Variants in ACYP2 observed in about 807,000 individuals in gnomAD.
ACYP2 encodes acylphosphatase 2.
Under a neutral mutation model 11.2 loss-of-function variants are expected in ACYP2, and 12 were observed. That is an observed-to-expected ratio of 1.08 (90% CI 0.69 to 1.74). The LOEUF (loss-of-function observed/expected upper bound fraction) is 1.74. ACYP2 is among the 40% of genes most tolerant of loss of function. The pLI, the probability that ACYP2 is intolerant of heterozygous loss-of-function variation, is 0.00. For synonymous variants in ACYP2, 43 were observed against 32.2 expected (o/e 1.33, Z -1.13); for missense variants, 134 against 101.9 (o/e 1.31, Z -1.35).
At chr2:54,252,858 C>G (rs979822865) in intron 6 of ACYP2, among the ~76,000 whole-genome samples, 1 of 151,060 alleles carries the variant, frequency 6.6e-6, no homozygotes, top group African/African-American at 2.4e-5. Context: ...GAGCTGAGAT[C>G]GTGCCACTGC....
intron 6 of ACYP2, among the ~76,000 whole-genome samples, chr2:54,176,325 G>A (rs1683457995): frequency 6.6e-6 from 1 of 152,076 alleles, no homozygotes; most frequent in Non-Finnish European, 1.5e-5. Flanking sequence ...GCCAGAATGT[G>A]AAGACAGGAA....
chr2:53,990,578 G>A (rs1344822261), intron 2 of ACYP2, among the ~76,000 whole-genome samples: 2 of 150,162 alleles, frequency 1.3e-5, no homozygotes, highest in Admixed American at 1.3e-4. Flanking sequence ...GAACCCGGGA[G>A]GTGCAGTTTG....
chr2:53,994,048 C>T (rs1457774286), intron 2 of ACYP2, among the ~76,000 whole-genome samples: 3 of 151,462 alleles, frequency 2.0e-5, no homozygotes, highest in Non-Finnish European at 4.4e-5. Context: ...ATTAGCCAGG[C>T]GGCTGGGCGT....
At chr2:53,978,081 A>T (rs1166753657) in intron 2 of ACYP2, among the ~76,000 whole-genome samples, 1 of 151,684 alleles carries the variant, frequency 6.6e-6, no homozygotes, top group African/African-American at 2.4e-5. Context: ...GGCCAACGTG[A>T]AGAAACCCCA....
At chr2:54,220,229 T>G (rs1470486813) in intron 6 of ACYP2, among the ~76,000 whole-genome samples, 1 of 152,172 alleles carries the variant, frequency 6.6e-6, no homozygotes, top group Admixed American at 6.5e-5. Context: ...ACAGCATATT[T>G]TAAATATTGT....
At chr2:54,252,447 G>T (rs1687270783) in intron 6 of ACYP2, among the ~76,000 whole-genome samples, 1 of 152,114 alleles carries the variant, frequency 6.6e-6, no homozygotes, top group Admixed American at 6.5e-5. Flanking sequence ...GGTTCGCACT[G>T]GTGCTGCCAA....
chr2:54,168,666 T>C (rs1229956416), intron 6 of ACYP2, among the ~76,000 whole-genome samples: 1 of 152,066 alleles, frequency 6.6e-6, no homozygotes, highest in Non-Finnish European at 1.5e-5. Context: ...TTAAAATAGA[T>C]ATAGTAATCA....
chr2:54,269,904 C>T (rs1156494631), intron 6 of ACYP2, among the ~76,000 whole-genome samples: 1 of 152,058 alleles, frequency 6.6e-6, no homozygotes, highest in African/African-American at 2.4e-5. Context: ...AATAATAATT[C>T]TAATGACTAT....
At chr2:54,111,513 A>G (rs1380778838) in intron 4 of ACYP2, among the ~76,000 whole-genome samples, 2 of 152,210 alleles carry the variant, frequency 1.3e-5, no homozygotes, top group African/African-American at 2.4e-5. Context: ...CTGGGACAGA[A>G]TCTCCTTCTG....
intron 4 of ACYP2, among the ~76,000 whole-genome samples, chr2:54,096,289 GACGC>G (rs1558525690): frequency 4.9e-5 from 7 of 143,130 alleles, no homozygotes; most frequent in African/African-American, 1.8e-4. Context: ...GCCGGGCAGA[GACGC>G]TCCTCACTTC....
At chr2:54,073,763 A>G (rs1275973806) in intron 4 of ACYP2, among the ~76,000 whole-genome samples, 2 of 152,240 alleles carry the variant, frequency 1.3e-5, no homozygotes, top group Non-Finnish European at 1.5e-5. Flanking sequence ...AATGGCCAAT[A>G]AGCACATGAA....
chr2:53,983,177 G>C (rs904324287), intron 2 of ACYP2, among the ~76,000 whole-genome samples: 1 of 152,110 alleles, frequency 6.6e-6, no homozygotes, highest in Admixed American at 6.6e-5. Flanking sequence ...GATGAATGAA[G>C]ACTTGTGGAG....
intron 6 of ACYP2, among the ~76,000 whole-genome samples, chr2:54,141,638 C>A (rs907960103): frequency 2.0e-5 from 3 of 152,124 alleles, no homozygotes; most frequent in Admixed American, 6.6e-5. Flanking sequence ...CATCAGTATA[C>A]CATATTGATT....
chr2:54,102,818 C>G (rs67951010), intron 4 of ACYP2, among the ~76,000 whole-genome samples: 30,077 of 152,054 alleles, frequency 0.2, 3,987 homozygotes, highest in African/African-American at 0.38. Flanking sequence ...CAGGCTTTCT[C>G]TCTTGCCTGT....
intron 4 of ACYP2, among the ~76,000 whole-genome samples, chr2:54,083,085 GA>G (rs202062980): frequency 0.032 from 4,226 of 132,178 alleles, 184 homozygotes; most frequent in African/African-American, 0.1. Context: ...AAAAAAAAAA[GA>G]AAAAAAAAAT....
At chr2:54,205,448 T>A (rs1338529974) in intron 6 of ACYP2, among the ~76,000 whole-genome samples, 1 of 152,210 alleles carries the variant, frequency 6.6e-6, no homozygotes, top group Non-Finnish European at 1.5e-5. Context: ...GCATATCCTC[T>A]TATGACATCA....
Position 54,195,709 on chromosome 2 carries a change from T to C in ACYP2, c.404+56961T>C, listed in dbSNP as rs141401560. The stretch of plus-strand genomic sequence containing the variant: ...TAAAGCTTTTTCTTAGGAGCTGTTA[T>C]TCAGTGACATGTGCTTCATTTAGTT... On this transcript the variant is annotated intron_variant, in intron 6 of 6. Coordinates refer to ENST00000607452, the MANE Select transcript of ACYP2 (RefSeq NM_001320586.2). Among the ~76,000 whole-genome samples the C allele has an allele frequency of 2.1e-3, 312 of 151,662 alleles. 9 individuals are homozygous for C. In the East Asian group the frequency reaches 0.052, roughly 25 times the overall value.
At chr2:54,144,242 G>A (rs999554584) in intron 6 of ACYP2, among the ~76,000 whole-genome samples, 2 of 152,078 alleles carry the variant, frequency 1.3e-5, no homozygotes, top group Non-Finnish European at 2.9e-5. Context: ...CAAAGTGCTA[G>A]GATTACAGGT....
At chr2:54,024,810 G>A (rs569565324) in intron 2 of ACYP2, among the ~76,000 whole-genome samples, 3 of 152,124 alleles carry the variant, frequency 2.0e-5, no homozygotes. Flanking sequence ...GCTGTTTCCT[G>A]ACGATATGAT....
Sources: allele counts gnomAD v4.1 joint callset (sites outside exome capture counted in the v4.1 genomes callset), GRCh38; gene constraint gnomAD v4.1.1; transcripts MANE v1.5; gene names NCBI Gene and HGNC (gene_info 2026-07-23, HGNC 2026-07-21).